ZNF81: variants seen among roughly 807,000 people sequenced by gnomAD.
ZNF81 encodes the protein zinc finger protein 81 (HFZ20).
ZNF81 carries 5 observed loss-of-function variants against 32.3 expected under a neutral mutation model. The ratio of observed to expected loss-of-function variants is 0.15; its 90% CI spans 0.08 to 0.33. ZNF81 has a LOEUF of 0.33. Ranked by LOEUF, ZNF81 falls within the 10% of genes least tolerant of loss-of-function variation. ZNF81 has a pLI of 1.00. For missense variants in ZNF81, 379 were observed against 479.8 expected (o/e 0.79, Z 1.96); for synonymous variants, 163 against 166.8 (o/e 0.98, Z 0.17).
intron 4 of ZNF81, among the ~76,000 whole-genome samples, chrX:47,909,599 T>A (rs1365178271): frequency 9.1e-6 from 1 of 110,270 alleles, no homozygotes; most frequent in Non-Finnish European, 1.9e-5. Context: ...AGGCTTTTTT[T>A]TCTTTTTCTT....
At chrX:47,889,233 A>G (rs146634904) in intron 3 of ZNF81, among the ~76,000 whole-genome samples, 2,280 of 112,295 alleles carry the variant, frequency 0.02, 25 homozygotes, top group Non-Finnish European at 0.032. Context: ...TGTGGATCCA[A>G]TCAACTGTCT....
chrX:47,865,169 GGGTAGTTGTCCCATTTTCAT>G (rs1337779393), intron 2 of ZNF81, among the ~76,000 whole-genome samples: 3 of 111,889 alleles, frequency 2.7e-5, no homozygotes. Context: ...ACCCCCAAAG[GGGTAGTTGTCCCATTTTCAT>G]GTAAAACCGA....
At chrX:47,876,616 A>C (rs1331946037) in intron 2 of ZNF81, among the ~76,000 whole-genome samples, 1 of 112,296 alleles carries the variant, frequency 8.9e-6, no homozygotes, top group Non-Finnish European at 1.9e-5. Flanking sequence ...AGTGTCTTCT[A>C]CCTCCAGTGG....
At chrX:47,876,955 A>T (rs1158518680) in intron 2 of ZNF81, among the ~76,000 whole-genome samples, 1 of 111,819 alleles carries the variant, frequency 8.9e-6, no homozygotes, top group African/African-American at 3.3e-5. Flanking sequence ...TGGATTGGGG[A>T]GTGGCTTGCA....
chrX:47,845,853 T>G (rs1233272689), intron 1 of ZNF81, among the ~76,000 whole-genome samples: 2 of 112,429 alleles, frequency 1.8e-5, no homozygotes, highest in Admixed American at 1.9e-4. Context: ...TTTTGAAAAA[T>G]AAACCTGAAG....
chrX:47,846,775 T>C (rs1556880575), intron 2 of ZNF81, among the ~76,000 whole-genome samples: 1 of 111,894 alleles, frequency 8.9e-6, no homozygotes, highest in Non-Finnish European at 1.9e-5. Context: ...TTAAAGAATG[T>C]TTTGGGTGTT....
At chrX:47,867,584 T>C (rs1556883411) in intron 2 of ZNF81, among the ~76,000 whole-genome samples, 1 of 112,279 alleles carries the variant, frequency 8.9e-6, no homozygotes, top group East Asian at 2.8e-4. Flanking sequence ...CAAGCAATTA[T>C]GAAAATTACC....
At chrX:47,911,320 G>A (rs782126831) in intron 4 of ZNF81, among the ~76,000 whole-genome samples, 2 of 110,998 alleles carry the variant, frequency 1.8e-5, no homozygotes, top group African/African-American at 3.3e-5. Flanking sequence ...GTGCTCTGCC[G>A]TCCAGGTAAT....
intron 4 of ZNF81, among the ~76,000 whole-genome samples, chrX:47,912,495 TCTCA>T (rs2058742410): frequency 9.6e-6 from 1 of 104,571 alleles, no homozygotes; most frequent in Non-Finnish European, 2.0e-5. Flanking sequence ...CATCTGTAAT[TCTCA>T]CTCTGGGCAA....
At chrX:47,883,372 G>A (rs782231045) in intron 2 of ZNF81, among the ~76,000 whole-genome samples, 7 of 112,043 alleles carry the variant, frequency 6.2e-5, no homozygotes, top group South Asian at 3.7e-4. Context: ...TCTCAATAGC[G>A]TCTTTTGATG....
At chrX:47,875,372 C>T (rs782179650) in intron 2 of ZNF81, among the ~76,000 whole-genome samples, 1 of 112,262 alleles carries the variant, frequency 8.9e-6, no homozygotes, top group African/African-American at 3.2e-5. Context: ...TCAGGTCACA[C>T]TATAAGACTG....
At chrX:47,868,055 A>T (rs1338075973) in intron 2 of ZNF81, among the ~76,000 whole-genome samples, 1 of 111,768 alleles carries the variant, frequency 8.9e-6, no homozygotes. Context: ...TGAAGGGTAC[A>T]GATTGAACTT....
At chrX:47,914,222 A>G (rs1556890262) in intron 4 of ZNF81, among the ~76,000 whole-genome samples, 1 of 111,626 alleles carries the variant, frequency 9.0e-6, no homozygotes, top group Non-Finnish European at 1.9e-5. Flanking sequence ...AACACTTAAT[A>G]ACCATGTTTT....
intron 2 of ZNF81, among the ~76,000 whole-genome samples, chrX:47,865,312 C>T (rs1005825097): frequency 2.7e-5 from 3 of 112,025 alleles, no homozygotes; most frequent in Non-Finnish European, 5.6e-5. Flanking sequence ...GTCAGTCAAG[C>T]TGGAGAGTCA....
At chrX:47,855,909 C>T (rs782318015) in intron 2 of ZNF81, among the ~76,000 whole-genome samples, 6 of 108,255 alleles carry the variant, frequency 5.5e-5, no homozygotes, top group South Asian at 4.1e-4. Context: ...ATTAGCCAGG[C>T]GTGATGGTGC....
At position 47,916,718 on chromosome X, in the gene ZNF81, A is replaced by G; in HGVS notation, c.*86A>G. ...ATATATTATAAAATTCATCCAAGAC[A>G]GATCCTATATGAATACATTGTATAA... On this transcript the variant is annotated 3_prime_UTR_variant, in exon 5 of 5. Transcript: ENST00000338637. 5.1e-6 allele frequency: 5 copies of G among 984,745 alleles called. No individual in the cohort carries two copies. Among genetic ancestry groups the G allele is most frequent in the Non-Finnish European group, 6.8e-6 (5 of 737,899 alleles). The allele number at this position is 984,745 out of a possible 1,213,427, so 81.2% of individuals were successfully genotyped here.
Position 47,846,088 on chromosome X carries a change from G to A in ZNF81, c.-163-17G>A, listed in dbSNP as rs782160102. 2.6e-5 allele frequency: 14 copies of A among 539,251 alleles called. No homozygotes were observed. The highest frequency in any genetic ancestry group is 4.5e-5 in the Non-Finnish European group (14 of 311,630). The allele number at this position is 539,251 out of a possible 1,213,427, so 44.4% of individuals were successfully genotyped here. On this transcript the variant is annotated splice_polypyrimidine_tract_variant and intron_variant, in intron 1 of 4. Coordinates refer to ENST00000338637, the MANE Select transcript of ZNF81 (RefSeq NM_007137.5). ...AAGTGCTATCTGCCTCTGATCATAT[G>A]GACACTGTCTTTCCAGAGTTCTTGG...
In ZNF81 at chrX:47,915,287, C is replaced by T. The variant is rs781979833; in HGVS notation, c.641C>T (p.Ala214Val). ...DLHIHNKSNA[A>V]KNLDKTIGHG... Reference sequence around the variant, plus strand: ...CATATTCATAATAAAAGCAATGCAGCAAAGAACCTGGATAAAACTATTGGG... The same window carrying T: ...CATATTCATAATAAAAGCAATGCAGTAAAGAACCTGGATAAAACTATTGGG... The change falls in exon 5 of 5, where the codon GCA becomes GTA. Residue 214 changes from alanine to valine, a missense_variant. This residue lies in a region of ZNF81 where 277 missense variants were observed against 306.6 expected (regional missense o/e 0.90). Transcript: ENST00000338637. 1 of 1,211,455 alleles carries T rather than the reference C, an allele frequency of 8.3e-7. No homozygotes were observed. Among genetic ancestry groups the T allele is most frequent in the Non-Finnish European group, 1.1e-6 (1 of 895,370 alleles).
At chrX:47,871,194 C>A (rs1432816069) in intron 2 of ZNF81, among the ~76,000 whole-genome samples, 2 of 111,672 alleles carry the variant, frequency 1.8e-5, no homozygotes, top group African/African-American at 6.5e-5. Flanking sequence ...AGTTGTGAAG[C>A]CTCTCATAAC....
Sources: allele counts gnomAD v4.1 joint callset (sites outside exome capture counted in the v4.1 genomes callset), GRCh38; gene constraint gnomAD v4.1.1; regional missense constraint gnomAD v4.1.1; transcripts MANE v1.5; gene names NCBI Gene and HGNC (gene_info 2026-07-23, HGNC 2026-07-21).